Variants in EPB41L3 observed in about 807,000 individuals in gnomAD.
The protein encoded by EPB41L3 is band 4.1-like protein 3.
Under a neutral mutation model 127.1 loss-of-function variants are expected in EPB41L3, and 57 were observed. The observed-to-expected ratio is 0.45, with a 90% confidence interval of 0.36 to 0.56. The LOEUF (loss-of-function observed/expected upper bound fraction) is 0.56, where lower values mean the gene tolerates loss of function less well. Ranked by LOEUF, EPB41L3 falls within the 20% of genes least tolerant of loss-of-function variation. The pLI is 0.00. For synonymous variants in EPB41L3, 572 were observed against 549.5 expected, an observed-to-expected ratio of 1.04 and a Z score of -0.57; for missense variants, 1,273 against 1,372.2, an observed-to-expected ratio of 0.93 and a Z score of 1.14.
intron 9 of EPB41L3, among the ~76,000 whole-genome samples, chr18:5,428,039 G>A (rs1312994773): frequency 1.3e-5 from 2 of 152,148 alleles, no homozygotes; most frequent in African/African-American, 4.8e-5. Context: ...ATAGGCGTGA[G>A]CCACCGCACC....
chr18:5,471,117 C>A (rs1348016103), intron 3 of EPB41L3, among the ~76,000 whole-genome samples: 1 of 152,176 alleles, frequency 6.6e-6, no homozygotes. Context: ...TGATCAGGAG[C>A]TCTACGACTC....
At chr18:5,610,533 AC>A (rs1490523478) in intron 3 of EPB41L3, among the ~76,000 whole-genome samples, 42 of 152,328 alleles carry the variant, frequency 2.8e-4, no homozygotes, top group South Asian at 1.2e-3. Context: ...ATTTGTATAA[AC>A]ATACAGGATC....
chr18:5,609,184 T>C (rs2094697319), intron 3 of EPB41L3, among the ~76,000 whole-genome samples: 1 of 152,218 alleles, frequency 6.6e-6, no homozygotes, highest in African/African-American at 2.4e-5. Flanking sequence ...CTGTAACTGA[T>C]AATCAAGACA....
At chr18:5,594,711 T>C (rs958439941) in intron 3 of EPB41L3, among the ~76,000 whole-genome samples, 3 of 152,188 alleles carry the variant, frequency 2.0e-5, no homozygotes, top group African/African-American at 7.2e-5. Context: ...TTAAGCAGCA[T>C]TTGGCAGTAC....
chr18:5,557,262 A>G (rs979100145), intron 3 of EPB41L3, among the ~76,000 whole-genome samples: 78 of 152,368 alleles, frequency 5.1e-4, no homozygotes, highest in African/African-American at 1.6e-3. Context: ...GGCCTCAGAT[A>G]TTTAAAAAAG....
chr18:5,418,180 C>T (rs2077050128), intron 12 of EPB41L3, among the ~76,000 whole-genome samples: 1 of 152,202 alleles, frequency 6.6e-6, no homozygotes. Context: ...CAGCTACAGA[C>T]TTCCTGAAGA....
intron 9 of EPB41L3, 113 bp from the exon 10 acceptor site, chr18:5,424,472 AG>A: frequency 1.3e-6 from 1 of 747,900 alleles, no homozygotes; most frequent in Non-Finnish European, 2.1e-6. Context: ...TTTACTTACT[AG>A]ATCAATTGCT....
Position 5,428,354 on chromosome 18 carries a change from A to T in EPB41L3, c.1024T>A (p.Tyr342Asn), listed in dbSNP as rs775774159. 9 of 1,614,074 alleles carry T rather than the reference A, an allele frequency of 5.6e-6. No individual in the cohort carries two copies. The highest frequency in any genetic ancestry group is 2.7e-5 in the African/African-American group (2 of 74,942). The change falls in exon 9 of 23, where the codon TAC (tyrosine) becomes AAC (asparagine). Residue 342 changes from tyrosine to asparagine, a missense_variant. Transcript: ENST00000341928. ...FAWPKVLKIS[Y>N]KRNNFYIKIR... ...TTAATGTAAAAGTTGTTCCGTTTGT[A>T]TGAAATCTTTAGAACCTTGGGCCAG...
chr18:5,630,062 C>G (rs532589020), upstream of EPB41L3, among the ~76,000 whole-genome samples: 1 of 152,218 alleles, frequency 6.6e-6, no homozygotes, highest in Non-Finnish European at 1.5e-5. Flanking sequence ...AGGCGCCGCG[C>G]CCGGCTTCCG....
At chr18:5,562,555 G>A (rs888092124) in intron 3 of EPB41L3, among the ~76,000 whole-genome samples, 1 of 152,154 alleles carries the variant, frequency 6.6e-6, no homozygotes, top group African/African-American at 2.4e-5. Context: ...ATGGGTCAGG[G>A]TACCAACCTC....
Position 5,607,279 on chromosome 18 carries a change from C to T in EPB41L3, c.-306+5061G>A, listed in dbSNP as rs138628809. Among the ~76,000 whole-genome samples, 17 of 152,250 alleles carry T rather than the reference C, an allele frequency of 1.1e-4. No individual in the cohort carries two copies. In the East Asian group the frequency reaches 3.1e-3, roughly 28 times the overall value. ...AAGATGTTTTGGGAGAAGTCTTTAG[C>T]AAGCTGTCACAAAACTCAGGAAAGA... On this transcript the variant is annotated intron_variant, in intron 3 of 21. Coordinates refer to the EPB41L3 transcript ENST00000545076.
chr18:5,612,085 A>G (rs2094732716), intron 3 of EPB41L3, among the ~76,000 whole-genome samples: 1 of 150,984 alleles, frequency 6.6e-6, no homozygotes, highest in Non-Finnish European at 1.5e-5. Context: ...TGCCACAATT[A>G]GGGCAAAAAA....
chr18:5,456,394 T>A lies in EPB41L3; in HGVS notation c.382-11150A>T, dbSNP rs578106834. The stretch of plus-strand genomic sequence containing the variant: ...CAGCATATTTAAAGATGTAATGATA[T>A]ATCATTTCACCAGTTAAATATGTGT... On this transcript the variant is annotated intron_variant, in intron 3 of 22. Coordinates refer to ENST00000341928, the MANE Select transcript of EPB41L3 (RefSeq NM_012307.5). 3.3e-5 allele frequency among the ~76,000 whole-genome samples: 5 copies of A among 152,336 alleles called. No individual in the cohort carries two copies. The East Asian group carries it at 9.6e-4, about 29-fold the overall frequency.
chr18:5,530,388 CA>C (rs1442188218), intron 1 of EPB41L3, among the ~76,000 whole-genome samples: 1 of 152,018 alleles, frequency 6.6e-6, no homozygotes, highest in Admixed American at 6.5e-5. Flanking sequence ...TATTGTCCTT[CA>C]AAAAAGTAAA....
intron 3 of EPB41L3, among the ~76,000 whole-genome samples, chr18:5,452,940 C>T (rs765514556): frequency 1.6e-4 from 25 of 152,190 alleles, no homozygotes; most frequent in Non-Finnish European, 5.9e-5. Context: ...AGAGCAGGAG[C>T]ATTCACATCT....
chr18:5,621,112 A>C (rs1305001163), intron 1 of EPB41L3, among the ~76,000 whole-genome samples: 4 of 152,190 alleles, frequency 2.6e-5, no homozygotes, highest in Admixed American at 6.5e-5. Flanking sequence ...ACTTCCCGGC[A>C]GTCCTAGTGA....
chr18:5,604,511 T>C (rs773347186), intron 3 of EPB41L3, among the ~76,000 whole-genome samples: 1 of 152,160 alleles, frequency 6.6e-6, no homozygotes, highest in Non-Finnish European at 1.5e-5. Context: ...TGGAGTGCAG[T>C]GGCACAATCT....
chr18:5,618,384 A>G (rs969490655), intron 1 of EPB41L3, among the ~76,000 whole-genome samples: 2 of 152,228 alleles, frequency 1.3e-5, no homozygotes, highest in African/African-American at 4.8e-5. Context: ...AATATGAGAT[A>G]AACATGCATT....
At chr18:5,393,612 G>T in intron 22 of EPB41L3, 134 bp from the exon 23 acceptor site, 1 of 575,036 alleles carries the variant, frequency 1.7e-6, no homozygotes, top group Non-Finnish European at 3.1e-6. Flanking sequence ...CCAGCGTTAA[G>T]TCACTGCCAA....
Sources: allele counts gnomAD v4.1 joint callset (sites outside exome capture counted in the v4.1 genomes callset), GRCh38; gene constraint gnomAD v4.1.1; transcripts MANE v1.5; gene names NCBI Gene and HGNC (gene_info 2026-07-23, HGNC 2026-07-21).